The following MYO1E variants were observed in gnomAD, a reference collection of about 807,000 sequenced individuals.
The protein encoded by MYO1E is myosin IE, also known as unconventional myosin-Ie.
In MYO1E, 68 loss-of-function variants were observed where a neutral mutation model predicts 151.1. The observed-to-expected ratio is 0.45, with a 90% confidence interval of 0.37 to 0.55. The LOEUF (loss-of-function observed/expected upper bound fraction) is 0.55. Among genes scored for constraint, MYO1E ranks in the 20% least tolerant of loss-of-function variants. MYO1E has a pLI of 0.00. For synonymous variants in MYO1E, 601 were observed against 501.7 expected (o/e 1.20, Z -2.64); for missense variants, 1,363 against 1,389.3 (o/e 0.98, Z 0.30).
At chr15:59,148,145 A>G (rs746653995) in intron 26 of MYO1E, among the ~76,000 whole-genome samples, 9 of 152,252 alleles carry the variant, frequency 5.9e-5, no homozygotes, top group Non-Finnish European at 1.0e-4. Context: ...CAAAATTATT[A>G]TATTAGTATC....
At position 59,256,317 on chromosome 15, in the gene MYO1E, A is replaced by T. The variant is rs749674056; in HGVS notation, c.299T>A (p.Ile100Asn). Residue 100 changes from isoleucine (I) to asparagine (N), a missense_variant, in exon 4 of 28, where the codon ATC (isoleucine) becomes AAC (asparagine). Physicochemically the swap from Ile to Asn is moderately radical, Grantham distance 149. Transcript: ENST00000288235. ...ALADNMYRNM[I>N]IDRENQCVII... ...GACGCACTGGTTCTCTCTGTCAATG[A>T]TCATGTTTCTGTACATATTATCTGC... 10 of 1,612,898 alleles carry T rather than the reference A, an allele frequency of 6.2e-6. No homozygotes were observed. The highest frequency in any genetic ancestry group is 8.5e-6 in the Non-Finnish European group (10 of 1,179,174).
intron 2 of MYO1E, among the ~76,000 whole-genome samples, chr15:59,262,451 T>TAAAAA (rs747798400): frequency 2.0e-5 from 3 of 151,608 alleles, no homozygotes; most frequent in African/African-American, 4.8e-5. Flanking sequence ...ACTCCATCTC[T>TAAAAA]AAAAAAACAA....
intron 1 of MYO1E, among the ~76,000 whole-genome samples, chr15:59,289,533 T>C (rs1202924023): frequency 4.6e-5 from 7 of 152,198 alleles, no homozygotes; most frequent in Non-Finnish European, 1.0e-4. Context: ...TGGAGATCTC[T>C]TTCCCAGAAC....
chr15:59,330,779 G>A (rs2080693505), intron 1 of MYO1E, among the ~76,000 whole-genome samples: 1 of 152,102 alleles, frequency 6.6e-6, no homozygotes, highest in Non-Finnish European at 1.5e-5. Context: ...TATTTGTGTT[G>A]GTTTTTTGAG....
chr15:59,197,449 T>G (rs2079774787), intron 16 of MYO1E, among the ~76,000 whole-genome samples: 1 of 152,246 alleles, frequency 6.6e-6, no homozygotes, highest in Non-Finnish European at 1.5e-5. Context: ...GCTAAAATAG[T>G]GACAGATAAC....
At chr15:59,206,830 G>T in intron 14 of MYO1E, 5 of 1,115,572 alleles carry the variant, frequency 4.5e-6, no homozygotes, top group Non-Finnish European at 6.3e-6. Context: ...GGCGGGGCAC[G>T]CGCACCTGCC....
intron 1 of MYO1E, among the ~76,000 whole-genome samples, chr15:59,309,392 TTC>T (rs1235513667): frequency 6.6e-6 from 1 of 152,210 alleles, no homozygotes; most frequent in Non-Finnish European, 1.5e-5. Flanking sequence ...GACTTGAATT[TTC>T]TGACTTGTCA....
chr15:59,195,464 C>A lies in MYO1E; in HGVS notation c.1802G>T (p.Ser601Ile), dbSNP rs781454232. ...CTAAGCCGGTTTCCCCCGATACCTG[C>A]TTTCCTCCCAGTCTCTGGGCTTCTT... ...ETKKPRDWEE[S>I]RVKHQVEYLG... Residue 601 changes from serine to isoleucine, a missense_variant, in exon 17 of 28, where the codon AGC becomes ATC. Physicochemically the swap from Ser to Ile is moderately radical, Grantham distance 142 (BLOSUM62 -2). Coordinates refer to ENST00000288235, the MANE Select transcript of MYO1E (RefSeq NM_004998.4). 1 of 1,612,712 alleles carries A rather than the reference C, an allele frequency of 6.2e-7. No homozygotes were observed. The highest frequency in any genetic ancestry group is 8.5e-7 in the Non-Finnish European group (1 of 1,178,680).
At chr15:59,162,331 T>C (rs1171996449) in intron 23 of MYO1E, among the ~76,000 whole-genome samples, 1 of 152,194 alleles carries the variant, frequency 6.6e-6, no homozygotes, top group Non-Finnish European at 1.5e-5. Flanking sequence ...CCTGGTCCAT[T>C]AGATCATGTT....
chr15:59,158,636 G>A (rs2079521424), intron 24 of MYO1E, among the ~76,000 whole-genome samples: 1 of 152,188 alleles, frequency 6.6e-6, no homozygotes, highest in Admixed American at 6.5e-5. Flanking sequence ...AGAAGGATTG[G>A]TCATCTTACA....
At chr15:59,271,726 T>G (rs1467634518) in intron 2 of MYO1E, among the ~76,000 whole-genome samples, 1 of 152,270 alleles carries the variant, frequency 6.6e-6, no homozygotes, top group South Asian at 2.1e-4. Flanking sequence ...TAGTAAACAT[T>G]AAAATGCAGA....
chr15:59,274,836 C>A (rs951755206), intron 1 of MYO1E, among the ~76,000 whole-genome samples: 1 of 152,130 alleles, frequency 6.6e-6, no homozygotes. Flanking sequence ...AAAGCACTCA[C>A]GGTAGAGTTC....
In MYO1E at chr15:59,239,021, C is replaced by G. The variant is rs1166570107; in HGVS notation, c.333-2349G>C. On this transcript the variant is annotated intron_variant, in intron 4 of 27. Coordinates refer to ENST00000288235, the MANE Select transcript of MYO1E (RefSeq NM_004998.4). The stretch of plus-strand genomic sequence containing the variant: ...AGGAGTTCGAGACCAGCCTGGCCAA[C>G]ATGGTGAATCCCCGTCTCTACTAAA... Among the ~76,000 whole-genome samples the G allele has an allele frequency of 3.3e-5, 5 of 151,204 alleles. No homozygotes were observed. The East Asian group carries it at 9.8e-4, about 30-fold the overall frequency.
At chr15:59,205,511 A>AT (rs753496637) in intron 14 of MYO1E, 26 bp from the exon 15 acceptor site, 2 of 1,568,720 alleles carry the variant, frequency 1.3e-6, no homozygotes, top group East Asian at 2.2e-5. Context: ...AAGAAATCGA[A>AT]TTTCATTGAA....
chr15:59,182,572 T>C (rs138584089), intron 18 of MYO1E, among the ~76,000 whole-genome samples: 2 of 152,188 alleles, frequency 1.3e-5, no homozygotes, highest in East Asian at 1.9e-4. Flanking sequence ...TTTTTGACAA[T>C]AGAGACAAGG....
chr15:59,207,544 T>C (rs760987292), intron 14 of MYO1E: 1 of 1,613,976 alleles, frequency 6.2e-7, no homozygotes, highest in Non-Finnish European at 8.5e-7. Flanking sequence ...GTTGAGTGCA[T>C]TTCCCAAAAA....
At chr15:59,335,602 C>T (rs2080723430) in intron 1 of MYO1E, among the ~76,000 whole-genome samples, 1 of 152,216 alleles carries the variant, frequency 6.6e-6, no homozygotes, top group Non-Finnish European at 1.5e-5. Flanking sequence ...GCCAGGCTTG[C>T]TCTCAGATCT....
chr15:59,253,501 G>C (rs1000897613), intron 4 of MYO1E, among the ~76,000 whole-genome samples: 10 of 38,596 alleles, frequency 2.6e-4, no homozygotes, highest in Non-Finnish European at 5.7e-4. Flanking sequence ...TTTTTTTTTT[G>C]AGACAGAGTC....
intron 1 of MYO1E, among the ~76,000 whole-genome samples, chr15:59,336,658 T>A (rs1407431535): frequency 5.3e-5 from 8 of 152,140 alleles, no homozygotes; most frequent in African/African-American, 9.7e-5. Flanking sequence ...CGTGCGGGTT[T>A]GTTACATAGG....
Sources: allele counts gnomAD v4.1 joint callset (sites outside exome capture counted in the v4.1 genomes callset), GRCh38; gene constraint gnomAD v4.1.1; transcripts MANE v1.5; gene names NCBI Gene and HGNC (gene_info 2026-07-23, HGNC 2026-07-21).